Variants in SUPT6H observed in about 807,000 individuals in gnomAD.
SUPT6H encodes the protein SPT6 homolog, histone chaperone and transcription elongation factor.
SUPT6H carries 11 observed loss-of-function variants against 222.3 expected under a neutral mutation model. The observed-to-expected ratio is 0.05, with a 90% CI of 0.03 to 0.08. The LOEUF (loss-of-function observed/expected upper bound fraction) is 0.08, where lower values mean the gene tolerates loss of function less well. Among genes scored for constraint, SUPT6H ranks in the 10% least tolerant of loss-of-function variants. The pLI, the probability that SUPT6H is intolerant of heterozygous loss-of-function variation, is 1.00. For missense variants in SUPT6H, 1,422 were observed against 2,216.0 expected, an observed-to-expected ratio of 0.64 and a Z score of 7.19; for synonymous variants, 762 against 801.2, an observed-to-expected ratio of 0.95 and a Z score of 0.83.
At chr17:28,678,455 C>A in intron 9 of SUPT6H, 90 bp from the exon 10 acceptor site, 1 of 1,281,546 alleles carries the variant, frequency 7.8e-7, no homozygotes, top group Non-Finnish European at 1.1e-6. Context: ...TTTCCTGGAG[C>A]TGTTTCTCCA....
Position 28,675,398 on chromosome 17 carries a change from C to T in SUPT6H, c.539-3C>T, listed in dbSNP as rs759150267. 1.2e-6 allele frequency: 2 copies of T among 1,614,006 alleles called. No individual in the cohort carries two copies. Among genetic ancestry groups the T allele is most frequent in the African/African-American group, 1.3e-5 (1 of 74,906 alleles). ...AGCCCCAACCCATCCTTTTCCTACC[C>T]AGATATTGACGACTTCATTGTGGAT... is the stretch of plus-strand genomic sequence containing the variant. On this transcript the variant is annotated splice_region_variant and splice_polypyrimidine_tract_variant and intron_variant, in intron 5 of 36. Transcript: ENST00000314616.
At position 28,684,367 on chromosome 17, in the gene SUPT6H, A is replaced by G. The variant is rs190393552; in HGVS notation, c.2230-219A>G. On this transcript the variant is annotated intron_variant, in intron 17 of 36. Coordinates refer to ENST00000314616, the MANE Select transcript of SUPT6H (RefSeq NM_003170.5). Reference sequence around the variant, plus strand: ...CCCCTCCCCCAGCCCCACTCATCCAAACATTCTTTGTTTATATCACTGTTC... The same window carrying G: ...CCCCTCCCCCAGCCCCACTCATCCAGACATTCTTTGTTTATATCACTGTTC... Among the ~76,000 whole-genome samples the G allele has an allele frequency of 5.1e-4, 77 of 152,214 alleles. 1 individual carries two copies. Among genetic ancestry groups the G allele is most frequent in the Admixed American group, 4.7e-3 (72 of 15,282 alleles).
At chr17:28,675,906 G>A (rs780579410) in intron 6 of SUPT6H, among the ~76,000 whole-genome samples, 2 of 152,198 alleles carry the variant, frequency 1.3e-5, no homozygotes, top group Non-Finnish European at 2.9e-5. Flanking sequence ...ACATAGACCC[G>A]TCTGCTCTGT....
chr17:28,670,966 A>G (rs2030380640), intron 1 of SUPT6H: 1 of 152,170 alleles, frequency 6.6e-6, no homozygotes, highest in African/African-American at 2.4e-5. Flanking sequence ...GTAGGCATTC[A>G]GTTAGGTTTG....
chr17:28,696,286 G>A (rs1280708407), intron 29 of SUPT6H, among the ~76,000 whole-genome samples: 7 of 132,058 alleles, frequency 5.3e-5, no homozygotes, highest in Non-Finnish European at 9.4e-5. Flanking sequence ...GACAGAGTGA[G>A]ACTCTGTCTC....
chr17:28,675,173 T>C lies in SUPT6H; in HGVS notation c.538+11T>C. On this transcript the variant is annotated intron_variant, in intron 5 of 36. Coordinates refer to ENST00000314616, the MANE Select transcript of SUPT6H (RefSeq NM_003170.5). ...ATGATGAGGAGTCAGGTATGTTATATTGGGCAGGGAAGCCAGTGTTTGGAT... is the reference window on the plus strand; with the variant it reads ...ATGATGAGGAGTCAGGTATGTTATACTGGGCAGGGAAGCCAGTGTTTGGAT... 3 of 1,601,774 alleles carry C rather than the reference T, an allele frequency of 1.9e-6. No homozygotes were observed. The highest frequency in any genetic ancestry group is 1.1e-5 in the South Asian group (1 of 89,652).
intron 11 of SUPT6H, among the ~76,000 whole-genome samples, chr17:28,680,833 G>C (rs937527409): frequency 2.0e-5 from 3 of 152,138 alleles, no homozygotes; most frequent in Admixed American, 6.5e-5. Flanking sequence ...ATTTTTAGTA[G>C]AGACGGGGTT....
rs2032151416 is a variant in SUPT6H at position 28,701,890 on chromosome 17, A to C, written c.*265A>C. On this transcript the variant is annotated 3_prime_UTR_variant, in exon 37 of 37. Coordinates refer to ENST00000314616, the MANE Select transcript of SUPT6H (RefSeq NM_003170.5). Reference sequence around the variant, plus strand: ...GGAGGGGAGTGTGGCAGGGAGGAGGAAGAGGAAGGTGAGAATGAGTAGAAC... The same window carrying C: ...GGAGGGGAGTGTGGCAGGGAGGAGGCAGAGGAAGGTGAGAATGAGTAGAAC... 2.0e-6 allele frequency: 1 copy of C among 492,968 alleles called. No homozygotes were observed. Among genetic ancestry groups the C allele is most frequent in the African/African-American group, 1.9e-5 (1 of 52,496 alleles). The allele number at this position is 492,968 out of a possible 1,614,324, so 30.5% of individuals were successfully genotyped here.
Position 28,693,828 on chromosome 17 carries a change from C to A in SUPT6H, c.3766C>A (p.Arg1256=), listed in dbSNP as rs1317204261. The A allele has an allele frequency of 4.3e-6, 7 of 1,614,144 alleles. No homozygotes were observed. The highest frequency in any genetic ancestry group is 5.9e-6 in the Non-Finnish European group (7 of 1,180,016). ...CAAAGTGGTAAAGCGGCCAGAAGAACGAGTGAAGGTAGAGGACTGATTGTC... is the reference window on the plus strand; with the variant it reads ...CAAAGTGGTAAAGCGGCCAGAAGAAAGAGTGAAGGTAGAGGACTGATTGTC... The part of the protein sequence containing the change: ...SDKVVKRPEE[R]VKVGMTVHCR... Residue 1256 remains arginine, a synonymous_variant, in exon 28 of 37, where the codon CGA becomes AGA. Transcript: ENST00000314616.
At chr17:28,682,603 AG>A in intron 13 of SUPT6H, 123 bp from the exon 14 acceptor site, 2 of 1,383,666 alleles carry the variant, frequency 1.4e-6, no homozygotes, top group Non-Finnish European at 2.0e-6. Context: ...CCTGGGCAAC[AG>A]AGCGAGACCG....
intron 19 of SUPT6H, 52 bp from the exon 20 acceptor site, chr17:28,686,287 T>G: frequency 6.5e-7 from 1 of 1,540,638 alleles, no homozygotes; most frequent in South Asian, 1.1e-5. Flanking sequence ...CAGAATTTCC[T>G]GAAATCTTTA....
chr17:28,666,137 C>T (rs1324177435), intron 1 of SUPT6H, among the ~76,000 whole-genome samples: 1 of 152,194 alleles, frequency 6.6e-6, no homozygotes, highest in Non-Finnish European at 1.5e-5. Flanking sequence ...AAGAAGCCAG[C>T]TCCTCTGCTG....
intron 7 of SUPT6H, 65 bp from the exon 8 acceptor site, chr17:28,677,650 G>A: frequency 8.6e-7 from 1 of 1,162,620 alleles, no homozygotes; most frequent in South Asian, 1.3e-5. Context: ...GTCCAAAAAG[G>A]TATGTTTTTC....
intron 24 of SUPT6H, chr17:28,689,109 T>G: frequency 2.2e-6 from 1 of 458,990 alleles, no homozygotes; most frequent in East Asian, 3.7e-5. Flanking sequence ...ACTACCCATT[T>G]ACTACAAAAA....
rs191240799 is a variant in SUPT6H at position 28,692,588 on chromosome 17, T to C, written c.3634-1108T>C. On this transcript the variant is annotated intron_variant, in intron 27 of 36. Coordinates refer to ENST00000314616, the MANE Select transcript of SUPT6H (RefSeq NM_003170.5). Reference sequence around the variant, plus strand: ...TAAGTTGGATAAACATAAAAGAGGATGGGGCACAGTCACACCAGTAATCCC... The same window carrying C: ...TAAGTTGGATAAACATAAAAGAGGACGGGGCACAGTCACACCAGTAATCCC... Among the ~76,000 whole-genome samples the C allele has an allele frequency of 1.3e-3, 186 of 147,196 alleles. 14 individuals carry two copies. The highest frequency in any genetic ancestry group is 5.6e-3 in the Admixed American group (83 of 14,754).
At chr17:28,678,278 C>A in intron 9 of SUPT6H, 86 bp downstream of exon 9, 2 of 1,248,256 alleles carry the variant, frequency 1.6e-6, no homozygotes, top group Non-Finnish European at 2.3e-6. Context: ...GAGGTGGGAG[C>A]CCCCTTCCCG....
At chr17:28,682,404 C>T (rs1451136522) in intron 13 of SUPT6H, among the ~76,000 whole-genome samples, 1 of 152,040 alleles carries the variant, frequency 6.6e-6, no homozygotes, top group Admixed American at 6.6e-5. Context: ...GTGGGAGGAT[C>T]ACTTGAGCCC....
Position 28,683,271 on chromosome 17 carries a change from G to T in SUPT6H, c.1882G>T (p.Val628Leu). ...ITPTKKGRKD[V>L]DEAHYAYSFK... is the part of the protein sequence containing the mutation. ...GATTCCCCCTTCATGTGTGCAGGAT[G>T]TGGATGAGGCCCACTATGCCTATTC... Residue 628 changes from valine (V) to leucine (L), a missense_variant, in exon 16 of 37, where the codon GTG (valine) becomes TTG (leucine). Physicochemically the swap from Val to Leu is conservative, Grantham distance 32. Transcript: ENST00000314616. The T allele has an allele frequency of 6.2e-7, 1 of 1,614,148 alleles. No individual in the cohort carries two copies. The highest frequency in any genetic ancestry group is 8.5e-7 in the Non-Finnish European group (1 of 1,179,986).
chr17:28,683,836 A>ATT lies in SUPT6H; in HGVS notation c.2229+35_2229+36dup, dbSNP rs201577643. The ATT allele has an allele frequency of 7.7e-4, 1,093 of 1,410,444 alleles. No homozygotes were observed. Among genetic ancestry groups the ATT allele is most frequent in the African/African-American group, 1.4e-3 (90 of 65,488 alleles). 87.4% of individuals were successfully genotyped at this position (1,410,444 alleles called of 1,614,324 possible). The stretch of plus-strand genomic sequence containing the variant: ...ATAAAGGTGAGGACAGAGACTCATG[A>ATT]TTTTTTTTTTTTTTTTGGTGACAGA... On this transcript the variant is annotated intron_variant, in intron 17 of 36. Transcript: ENST00000314616.
Sources: allele counts gnomAD v4.1 joint callset (sites outside exome capture counted in the v4.1 genomes callset), GRCh38; gene constraint gnomAD v4.1.1; transcripts MANE v1.5; gene names NCBI Gene and HGNC (gene_info 2026-07-23, HGNC 2026-07-21).